PLEKHG3: variants seen among roughly 807,000 people sequenced by gnomAD.
PLEKHG3 encodes pleckstrin homology and RhoGEF domain containing G3.
In PLEKHG3, 62 loss-of-function variants were observed where a neutral mutation model predicts 94.9. That is an observed-to-expected ratio of 0.65 (90% confidence interval 0.53 to 0.81). The LOEUF (loss-of-function observed/expected upper bound fraction) is 0.81, where lower values mean the gene tolerates loss of function less well. Among genes scored for constraint, PLEKHG3 ranks in the 30% least tolerant of loss-of-function variants. PLEKHG3 has a pLI of 0.00. For missense variants in PLEKHG3, 1,461 were observed against 1,619.3 expected (o/e 0.90, Z 1.68); for synonymous variants, 614 against 654.0 (o/e 0.94, Z 0.93).
At position 64,749,761 on chromosome 14, in the gene PLEKHG3, G is replaced by A. The variant is rs1384087190; in HGVS notation, c.*6058G>A. ...GGAGGGGGCGCTGGGCAGAGGGCTG[G>A]CTCTGATCCCACAATACCCTGAGCC... On this transcript the variant is annotated 3_prime_UTR_variant, in exon 17 of 17. Transcript: ENST00000247226. This position sits in a 1 kb window ranked among gnomAD's most constrained non-coding sequence, Gnocchi z 4.7. 2.2e-5 allele frequency: 35 copies of A among 1,585,194 alleles called. No homozygotes were observed. Among genetic ancestry groups the A allele is most frequent in the South Asian group, 3.4e-5 (3 of 88,728 alleles).
In PLEKHG3 at chr14:64,718,854, G is replaced by C. The variant is rs1441934019; in HGVS notation, c.-39-8739G>C. Among the ~76,000 whole-genome samples, 1 of 152,150 alleles carries C rather than the reference G, an allele frequency of 6.6e-6. No individual in the cohort carries two copies. Among genetic ancestry groups the C allele is most frequent in the African/African-American group, 2.4e-5 (1 of 41,416 alleles). On this transcript the variant is annotated intron_variant, in intron 1 of 16. Transcript: ENST00000247226. This position sits in a 1 kb window ranked among gnomAD's most constrained non-coding sequence, Gnocchi z 5.0. ...TTAAAACCCACGGACCAGTGTCAAG[G>C]ATGGTTTTTGTTAATCACTTGTGCT... is the stretch of plus-strand genomic sequence containing the variant.
chr14:64,737,963 AGAGGAGGAGGTGGTG>A (rs1594706420), intron 14 of PLEKHG3: 1 of 1,208,204 alleles, frequency 8.3e-7, no homozygotes, highest in East Asian at 5.6e-5. Flanking sequence ...AGGAAGAGGA[AGAGGAGGAGGTGGTG>A]GAGGAGGAGG....
At position 64,716,960 on chromosome 14, in the gene PLEKHG3, G is replaced by A. The variant is rs544098495; in HGVS notation, c.-39-10633G>A. On this transcript the variant is annotated intron_variant, in intron 1 of 16. Transcript: ENST00000247226. This position sits in a 1 kb window ranked among gnomAD's most constrained non-coding sequence, Gnocchi z 5.0. ...AACTGGTTGGATGAGTTTCTTAGGC[G>A]TCTCTGGTGAGGCCCCTTAGTAGGG... Among the ~76,000 whole-genome samples, 17 of 152,312 alleles carry A rather than the reference G, an allele frequency of 1.1e-4. No individual in the cohort carries two copies. Among genetic ancestry groups the A allele is most frequent in the African/African-American group, 3.6e-4 (15 of 41,580 alleles).
Position 64,738,242 on chromosome 14 carries a change from T to C in PLEKHG3, c.1405-500T>C. ...GCGCTATGGTGAGGTGTCTCTTCGA[T>C]CTCCCCTCCTCCTTGCATGCTCCCT... On this transcript the variant is annotated intron_variant, in intron 14 of 16. Transcript: ENST00000247226. This position sits in a 1 kb window ranked among gnomAD's most constrained non-coding sequence, Gnocchi z 4.8. 1.6e-6 allele frequency: 2 copies of C among 1,275,526 alleles called. No individual in the cohort carries two copies. Among genetic ancestry groups the C allele is most frequent in the Non-Finnish European group, 2.0e-6 (2 of 977,972 alleles). The allele number at this position is 1,275,526 out of a possible 1,614,324, so 79.0% of individuals were successfully genotyped here.
At position 64,716,466 on chromosome 14, in the gene PLEKHG3, A is replaced by ACACACAC. The variant is rs1555359403; in HGVS notation, c.-39-11127_-39-11126insCACACAC. ...CACACACACACACACACACACACAC[A>ACACACAC]ACACACACACACACAACACACACAC... On this transcript the variant is annotated intron_variant, in intron 1 of 16. Coordinates refer to ENST00000247226, the MANE Select transcript of PLEKHG3 (RefSeq NM_001308147.2). The surrounding 1 kb of genome is among the most constrained non-coding windows in gnomAD (Gnocchi z 5.0). Among the ~76,000 whole-genome samples the ACACACAC allele has an allele frequency of 1.2e-5, 1 of 86,446 alleles. No individual in the cohort carries two copies. Among genetic ancestry groups the ACACACAC allele is most frequent in the Non-Finnish European group, 2.5e-5 (1 of 39,538 alleles). 56.7% of individuals were successfully genotyped at this position (86,446 alleles called of 152,430 possible).
chr14:64,730,737 AG>A lies in PLEKHG3; in HGVS notation c.566+50del, dbSNP rs1302481166. ...AGGCAGAGCCATTTGGTGAGTCCAG[AG>A]CCCCCCACTTCCTCATCCAGGCCTT... On this transcript the variant is annotated intron_variant, in intron 5 of 16. Coordinates refer to ENST00000247226, the MANE Select transcript of PLEKHG3 (RefSeq NM_001308147.2). This position sits in a 1 kb window ranked among gnomAD's most constrained non-coding sequence, Gnocchi z 5.4. 5 of 1,612,362 alleles carry A rather than the reference AG, an allele frequency of 3.1e-6. No individual in the cohort carries two copies. The Admixed American group carries it at 6.7e-5, about 22-fold the overall frequency.
chr14:64,719,829 G>T (rs1037752429), intron 1 of PLEKHG3, among the ~76,000 whole-genome samples: 1 of 152,156 alleles, frequency 6.6e-6, no homozygotes, highest in Admixed American at 6.6e-5. Flanking sequence ...TGGCGAATTT[G>T]CAGGGCTGGG....
At position 64,746,172 on chromosome 14, in the gene PLEKHG3, C is replaced by G. The variant is rs997667241; in HGVS notation, c.*2469C>G. 6.6e-6 allele frequency: 1 copy of G among 152,180 alleles called. No individual in the cohort carries two copies. Among genetic ancestry groups the G allele is most frequent in the Non-Finnish European group, 1.5e-5 (1 of 68,036 alleles). 9.4% of individuals were successfully genotyped at this position (152,180 alleles called of 1,614,324 possible). A position where few individuals can be genotyped will look rare whatever the true frequency, so the allele number is the denominator to read the frequency against. On this transcript the variant is annotated 3_prime_UTR_variant, in exon 17 of 17. Coordinates refer to ENST00000247226, the MANE Select transcript of PLEKHG3 (RefSeq NM_001308147.2). The surrounding 1 kb of genome is among the most constrained non-coding windows in gnomAD (Gnocchi z 4.9). ...GTGCTTGCAGTCGTCCCATAAGGCT[C>G]CCAGGGACAAGCTAGAGAATCTGGC...
Position 64,729,031 on chromosome 14 carries a change from G to A in PLEKHG3, c.387G>A (p.Leu129=). Residue 129 remains leucine (L), a synonymous_variant, in exon 3 of 17, where the codon CTG becomes CTA. Coordinates refer to ENST00000247226, the MANE Select transcript of PLEKHG3 (RefSeq NM_001308147.2). Reference sequence around the variant, plus strand: ...TGAAGATCATTGACACACCCGGGCTGCTGAAGCCAGAACAGGTCAGCGCCC... The same window carrying A: ...TGAAGATCATTGACACACCCGGGCTACTGAAGCCAGAACAGGTCAGCGCCC... ...YLLKIIDTPG[L]LKPEQVSALF... is the part of the protein sequence containing the mutation. 2 of 1,528,272 alleles carry A rather than the reference G, an allele frequency of 1.3e-6. No individual in the cohort carries two copies. Among genetic ancestry groups the A allele is most frequent in the Non-Finnish European group, 1.8e-6 (2 of 1,140,056 alleles). 94.7% of individuals were successfully genotyped at this position (1,528,272 alleles called of 1,614,324 possible).
At chr14:64,707,049 G>A (rs1259813744) in intron 1 of PLEKHG3, among the ~76,000 whole-genome samples, 1 of 152,220 alleles carries the variant, frequency 6.6e-6, no homozygotes. Flanking sequence ...CCCATCTCAG[G>A]CCGCCCCTCT....
intron 12 of PLEKHG3, 104 bp from the exon 13 acceptor site, chr14:64,736,749 G>A (rs1348993488): frequency 9.3e-6 from 8 of 855,862 alleles, no homozygotes; most frequent in Non-Finnish European, 1.4e-5. Flanking sequence ...AAGCCAGAGT[G>A]GACTTTGAGC....
rs1166322524 is a variant in PLEKHG3, at chr14:64,744,770, G to GTTTTTTTTTTTTTTTTTTTTTTT, written c.*1067_*1068insTTTTTTTTTTTTTTTTTTTTTTT. On this transcript the variant is annotated 3_prime_UTR_variant, in exon 17 of 17. Transcript: ENST00000247226. ...CCCAGGAAACATCCTAGAAGACAAG[G>GTTTTTTTTTTTTTTTTTTTTTTT]ATTTTTTTTTTTTTTTTTTTTGAGA... The GTTTTTTTTTTTTTTTTTTTTTTT allele has an allele frequency of 5.4e-5, 7 of 130,684 alleles. No homozygotes were observed. Among genetic ancestry groups the GTTTTTTTTTTTTTTTTTTTTTTT allele is most frequent in the African/African-American group, 2.3e-4 (7 of 30,400 alleles). The allele number at this position is 130,684 out of a possible 1,614,324, so 8.1% of individuals were successfully genotyped here.
chr14:64,711,953 A>C (rs1404924006), intron 1 of PLEKHG3, among the ~76,000 whole-genome samples: 32 of 152,168 alleles, frequency 2.1e-4, no homozygotes, highest in Non-Finnish European at 1.0e-4. Flanking sequence ...CTTTTCTTCT[A>C]AGAGTTTGAT....
At chr14:64,705,627 T>C (rs1167099116) in intron 1 of PLEKHG3, among the ~76,000 whole-genome samples, 1 of 152,174 alleles carries the variant, frequency 6.6e-6, no homozygotes, top group African/African-American at 2.4e-5. Context: ...TCCCCAGCCG[T>C]GCCTCTGCAC....
At chr14:64,708,367 G>A (rs1370163239) in intron 1 of PLEKHG3, among the ~76,000 whole-genome samples, 3 of 152,112 alleles carry the variant, frequency 2.0e-5, no homozygotes, top group African/African-American at 4.8e-5. Flanking sequence ...CCCAGCCTCC[G>A]GCAGGTAAAT....
intron 13 of PLEKHG3, 53 bp from the exon 14 acceptor site, chr14:64,737,303 C>T (rs988378143): frequency 2.1e-6 from 3 of 1,450,940 alleles, no homozygotes; most frequent in Non-Finnish European, 2.9e-6. Context: ...TCTTCCCCTC[C>T]CCTCCCCTGC....
intron 1 of PLEKHG3, among the ~76,000 whole-genome samples, chr14:64,706,947 C>A (rs558433822): frequency 6.6e-6 from 1 of 152,346 alleles, no homozygotes; most frequent in Non-Finnish European, 1.5e-5. Flanking sequence ...TGGCTATTCT[C>A]TGTTGTGTTG....
At chr14:64,708,943 A>G (rs1278301096) in intron 1 of PLEKHG3, among the ~76,000 whole-genome samples, 1 of 152,102 alleles carries the variant, frequency 6.6e-6, no homozygotes, top group East Asian at 1.9e-4. Flanking sequence ...TATTAGAGGA[A>G]GTTGCAAAGA....
In PLEKHG3 at chr14:64,746,293, T is replaced by C. The variant is rs930706099; in HGVS notation, c.*2590T>C. On this transcript the variant is annotated 3_prime_UTR_variant, in exon 17 of 17. Transcript: ENST00000247226. This position sits in a 1 kb window ranked among gnomAD's most constrained non-coding sequence, Gnocchi z 4.9. The stretch of plus-strand genomic sequence containing the variant: ...AAACTGAGAGAAACATGGAGCATTA[T>C]TGATTTATTAGAAAAACTAGTAAAT... 3.3e-5 allele frequency: 5 copies of C among 152,374 alleles called. No homozygotes were observed. The highest frequency in any genetic ancestry group is 5.9e-5 in the Non-Finnish European group (4 of 68,052). The allele number at this position is 152,374 out of a possible 1,614,324, so 9.4% of individuals were successfully genotyped here.
Sources: allele counts gnomAD v4.1 joint callset (sites outside exome capture counted in the v4.1 genomes callset), GRCh38; gene constraint gnomAD v4.1.1; non-coding constraint Gnocchi (gnomAD v3.1); transcripts MANE v1.5; gene names NCBI Gene and HGNC (gene_info 2026-07-23, HGNC 2026-07-21).